Variants in HNRNPF observed in about 807,000 individuals in gnomAD.
The protein encoded by HNRNPF is HnRNP F protein.
In HNRNPF, 2 loss-of-function variants were observed where a neutral mutation model predicts 26.0. That is an observed-to-expected ratio of 0.08 (90% CI 0.03 to 0.24). The LOEUF (loss-of-function observed/expected upper bound fraction) is 0.24. HNRNPF is among the 10% of genes least tolerant of loss of function. The probability of loss-of-function intolerance (pLI) is 1.00; values close to 1 mark genes in which losing one functional copy is unlikely to be tolerated. For missense variants in HNRNPF, 299 were observed against 539.2 expected (o/e 0.55, Z 4.41); for synonymous variants, 234 against 211.5 (o/e 1.11, Z -0.92).
chr10:43,386,318 CCA>C lies in HNRNPF; in HGVS notation c.*317_*318del. ...GAGTTTTCCAAAAAAGCACGTCTCC[CCA>C]GTGTGTTCACTGTGATGTGGTGTAA... On this transcript the variant is annotated 3_prime_UTR_variant, in exon 4 of 4. Transcript: ENST00000682386. The C allele has an allele frequency of 4.7e-6, 1 of 214,136 alleles. No individual in the cohort carries two copies. Among genetic ancestry groups the C allele is most frequent in the Non-Finnish European group, 9.1e-6 (1 of 109,416 alleles). 13.3% of individuals were successfully genotyped at this position (214,136 alleles called of 1,614,324 possible). A position where few individuals can be genotyped will look rare whatever the true frequency, so the allele number is the denominator to read the frequency against.
intron 1 of HNRNPF, among the ~76,000 whole-genome samples, chr10:43,406,106 C>T (rs1838910503): frequency 2.0e-5 from 3 of 152,162 alleles, no homozygotes; most frequent in South Asian, 4.1e-4. Flanking sequence ...TGGAGTAAAA[C>T]TTCTAGGACC....
At chr10:43,394,164 T>C (rs1048883105) in intron 3 of HNRNPF, among the ~76,000 whole-genome samples, 2 of 152,216 alleles carry the variant, frequency 1.3e-5, no homozygotes, top group African/African-American at 4.8e-5. Context: ...CAGGATTAAC[T>C]GTTGCCCATG....
chr10:43,394,602 A>C (rs1838387709), intron 3 of HNRNPF, 28 bp downstream of exon 3: 1 of 152,224 alleles, frequency 6.6e-6, no homozygotes, highest in Admixed American at 6.5e-5. Context: ...ACTGCAGCTG[A>C]AAAGGGGCTC....
intron 1 of HNRNPF, among the ~76,000 whole-genome samples, chr10:43,401,168 C>A (rs1838744212): frequency 6.6e-6 from 1 of 151,856 alleles, no homozygotes; most frequent in Admixed American, 6.6e-5. Flanking sequence ...TTATATCCAC[C>A]AAAGGGGATC....
chr10:43,396,418 C>A (rs933860953), intron 2 of HNRNPF, 38 bp downstream of exon 2: 1 of 152,310 alleles, frequency 6.6e-6, no homozygotes, highest in Non-Finnish European at 1.5e-5. Context: ...CCAAAGTCCA[C>A]CCGGCCGGGC....
intron 1 of HNRNPF, among the ~76,000 whole-genome samples, chr10:43,407,355 T>A (rs1838956102): frequency 6.6e-6 from 1 of 152,142 alleles, no homozygotes; most frequent in African/African-American, 2.4e-5. Context: ...GCGCGTCAGC[T>A]CGTCCCCGGG....
Position 43,387,205 on chromosome 10 carries a change from C to G in HNRNPF, c.680G>C (p.Gly227Ala). 3.7e-6 allele frequency: 6 copies of G among 1,614,226 alleles called. No homozygotes were observed. The highest frequency in any genetic ancestry group is 3.4e-6 in the Non-Finnish European group (4 of 1,180,052). ...RRYIGIVKQA[G>A]LERMRPGAYS... ...GGCACCAGGCCTCATCCTTTCCAGGCCTGCCTGCTTCACGATGCCAATGTA... is the reference window on the plus strand; with the variant it reads ...GGCACCAGGCCTCATCCTTTCCAGGGCTGCCTGCTTCACGATGCCAATGTA... The change falls in exon 4 of 4, where the codon GGC becomes GCC. Residue 227 changes from glycine (G) to alanine (A), a missense_variant. By Grantham distance (60) the Gly-to-Ala change is moderately conservative. Around this residue, in one of 6 missense-constraint regions of HNRNPF, gnomAD observed 15 missense variants for 40.3 expected, o/e 0.37. Coordinates refer to ENST00000682386, the MANE Select transcript of HNRNPF (RefSeq NM_001098204.2). This position sits in a 1 kb window ranked among gnomAD's most constrained non-coding sequence, Gnocchi z 6.0.
chr10:43,396,001 G>GTGA (rs1042715390), intron 2 of HNRNPF, among the ~76,000 whole-genome samples: 5 of 152,146 alleles, frequency 3.3e-5, no homozygotes, highest in Admixed American at 2.6e-4. Context: ...GGACCCGGAG[G>GTGA]TTTTCAGATC....
At chr10:43,394,988 T>G (rs1838415631) in intron 2 of HNRNPF, among the ~76,000 whole-genome samples, 1 of 152,126 alleles carries the variant, frequency 6.6e-6, no homozygotes, top group Admixed American at 6.6e-5. Flanking sequence ...ACCCAGCGAA[T>G]TTTTGTATTT....
At chr10:43,397,026 G>C (rs1838565710) in intron 1 of HNRNPF, among the ~76,000 whole-genome samples, 1 of 152,066 alleles carries the variant, frequency 6.6e-6, no homozygotes, top group Non-Finnish European at 1.5e-5. Flanking sequence ...CTAGGCGGGA[G>C]CTCGGGGACC....
At chr10:43,396,059 C>G (rs192541698) in intron 2 of HNRNPF, among the ~76,000 whole-genome samples, 25 of 152,324 alleles carry the variant, frequency 1.6e-4, no homozygotes, top group Admixed American at 1.5e-3. Context: ...AACCCTAAAA[C>G]AGATCTGGGT....
chr10:43,387,078 G>A lies in HNRNPF; in HGVS notation c.807C>T (p.Ser269=), dbSNP rs767675065. Reference sequence around the variant, plus strand: ...CGCCGTATCTGTGGTCATACATTCCGGAGAGACAGTAGCTGAGGTCTCTCC... The same window carrying A: ...CGCCGTATCTGTGGTCATACATTCCAGAGAGACAGTAGCTGAGGTCTCTCC... ...LFGRDLSYCL[S]GMYDHRYGDS... is the part of the protein sequence containing the mutation. The change falls in exon 4 of 4, where the codon TCC becomes TCT. Residue 269 remains serine, a synonymous_variant. Coordinates refer to ENST00000682386, the MANE Select transcript of HNRNPF (RefSeq NM_001098204.2). This position sits in a 1 kb window ranked among gnomAD's most constrained non-coding sequence, Gnocchi z 6.0. The A allele has an allele frequency of 1.6e-5, 26 of 1,612,920 alleles. No individual in the cohort carries two copies. The highest frequency in any genetic ancestry group is 1.6e-4 in the East Asian group (7 of 44,874).
intron 1 of HNRNPF, among the ~76,000 whole-genome samples, chr10:43,397,515 T>C (rs1479614125): frequency 1.3e-5 from 2 of 152,118 alleles, no homozygotes; most frequent in Non-Finnish European, 2.9e-5. Flanking sequence ...GGGCGGGCAG[T>C]GCAGAGTGGA....
chr10:43,395,715 T>TGGAACCCAGTCATC (rs746430494), intron 2 of HNRNPF, among the ~76,000 whole-genome samples: 14 of 152,126 alleles, frequency 9.2e-5, no homozygotes, highest in Non-Finnish European at 1.8e-4. Context: ...ATCTAAAGGG[T>TGGAACCCAGTCATC]GGAACCCAGT....
chr10:43,391,898 C>T (rs1256320437), intron 3 of HNRNPF, among the ~76,000 whole-genome samples: 1 of 152,128 alleles, frequency 6.6e-6, no homozygotes, highest in Non-Finnish European at 1.5e-5. Flanking sequence ...ATTTGTTCAG[C>T]AAAATCTTGT....
At chr10:43,391,137 C>CA (rs1156640949) in intron 3 of HNRNPF, among the ~76,000 whole-genome samples, 1 of 151,988 alleles carries the variant, frequency 6.6e-6, no homozygotes, top group Non-Finnish European at 1.5e-5. Context: ...ACTAAAAATA[C>CA]AAAAAACTAG....
At chr10:43,403,329 T>C (rs776941897) in intron 1 of HNRNPF, among the ~76,000 whole-genome samples, 1 of 152,202 alleles carries the variant, frequency 6.6e-6, no homozygotes, top group Non-Finnish European at 1.5e-5. Flanking sequence ...TTTCAAGAGA[T>C]CTTTTTCCTA....
rs1327133067 is a variant in HNRNPF, at chr10:43,402,998, T to C, written c.-247+6133A>G. ...ATGTCTTTACAAGTGTTCGCTATCA[T>C]ACCTGGCTAATTAAAAATTCTGTTT... On this transcript the variant is annotated intron_variant, in intron 1 of 3. Transcript: ENST00000682386. 2.6e-5 allele frequency among the ~76,000 whole-genome samples: 4 copies of C among 152,260 alleles called. 1 individual carries two copies. In the Middle Eastern group the frequency reaches 0.01, roughly 388 times the overall value.
intron 1 of HNRNPF, among the ~76,000 whole-genome samples, chr10:43,401,097 T>C (rs1459176761): frequency 2.0e-5 from 3 of 151,150 alleles, no homozygotes; most frequent in South Asian, 4.2e-4. Flanking sequence ...AAAAAAAGAC[T>C]GAGAAGCTGC....
Sources: gnomAD v4.1 joint callset for allele counts (sites outside exome capture counted in the v4.1 genomes callset) on GRCh38, gnomAD v4.1.1 for gene constraint, gnomAD v4.1.1 regional missense constraint, Gnocchi (gnomAD v3.1) non-coding constraint, MANE v1.5 for transcripts, NCBI Gene and HGNC (gene_info 2026-07-23, HGNC 2026-07-21) for gene names.